The following ADARB2 variants were observed in gnomAD, a reference collection of about 807,000 sequenced individuals.
The protein encoded by ADARB2 is inactive double-stranded RNA-specific editase B2.
A neutral mutation model predicts 62.2 loss-of-function variants in ADARB2; 25 were observed. The ratio of observed to expected loss-of-function variants is 0.40; its 90% CI spans 0.29 to 0.56. The LOEUF (loss-of-function observed/expected upper bound fraction) is 0.56, where lower values mean the gene tolerates loss of function less well. ADARB2 is among the 20% of genes least tolerant of loss of function. The pLI is 0.43. For synonymous variants in ADARB2, 572 were observed against 500.8 expected (o/e 1.14, Z -1.90); for missense variants, 1,071 against 1,077.4 (o/e 0.99, Z 0.08).
At chr10:1,215,859 G>T (rs764877076) in intron 7 of ADARB2, 1 of 152,264 alleles carries the variant, frequency 6.6e-6, no homozygotes, top group African/African-American at 2.4e-5. Context: ...CTTTCAGGGC[G>T]TCAGACCAAT....
chr10:1,387,032 G>A (rs1832531069), intron 1 of ADARB2, among the ~76,000 whole-genome samples: 1 of 151,832 alleles, frequency 6.6e-6, no homozygotes, highest in African/African-American at 2.4e-5. Flanking sequence ...AGTTAAAAGA[G>A]AAATCACAGG....
At chr10:1,203,442 G>A (rs952842748) in intron 7 of ADARB2, among the ~76,000 whole-genome samples, 3 of 152,228 alleles carry the variant, frequency 2.0e-5, no homozygotes, top group South Asian at 2.1e-4. Flanking sequence ...TTGGTTTTCC[G>A]CCGTGACGCG....
chr10:1,684,883 G>A (rs2119120162), intron 1 of ADARB2, among the ~76,000 whole-genome samples: 1 of 152,314 alleles, frequency 6.6e-6, no homozygotes, highest in Middle Eastern at 3.4e-3. Context: ...GCTCACAGGT[G>A]GGAAGTCAGA....
At chr10:1,299,710 G>A (rs375213928) in intron 3 of ADARB2, among the ~76,000 whole-genome samples, 24 of 152,268 alleles carry the variant, frequency 1.6e-4, no homozygotes, top group East Asian at 7.7e-4. Context: ...TCAGACTAGG[G>A]ACTCTTCTGC....
intron 1 of ADARB2, among the ~76,000 whole-genome samples, chr10:1,669,399 A>G (rs1056936713): frequency 6.6e-6 from 1 of 152,180 alleles, no homozygotes; most frequent in Non-Finnish European, 1.5e-5. Flanking sequence ...CAGCACACAC[A>G]TAACACATAG....
At chr10:1,290,214 C>G (rs1462052280) in intron 3 of ADARB2, 2 of 29,534 alleles carry the variant, frequency 6.8e-5, no homozygotes, top group African/African-American at 8.9e-5. Flanking sequence ...CCATGTCTGA[C>G]AAGTGGATTC....
intron 3 of ADARB2, among the ~76,000 whole-genome samples, chr10:1,312,177 T>A (rs1264797043): frequency 2.6e-5 from 4 of 152,256 alleles, no homozygotes; most frequent in Non-Finnish European, 5.9e-5. Context: ...CACTGACTCT[T>A]GCTTCTCCCT....
intron 1 of ADARB2, among the ~76,000 whole-genome samples, chr10:1,585,817 G>A (rs1473487438): frequency 3.3e-5 from 5 of 152,150 alleles, no homozygotes; most frequent in Non-Finnish European, 7.3e-5. Context: ...GGCAGATCAC[G>A]AGGTCAGGAG....
intron 1 of ADARB2, among the ~76,000 whole-genome samples, chr10:1,614,884 A>G (rs1040612976): frequency 4.6e-5 from 7 of 150,860 alleles, no homozygotes; most frequent in Admixed American, 2.7e-4. Context: ...GCACTCCAGT[A>G]TGGGTGACAG....
chr10:1,534,901 C>T (rs1297099496), intron 1 of ADARB2: 1 of 167,140 alleles, frequency 6.0e-6, no homozygotes, highest in African/African-American at 2.4e-5. Context: ...CAACTCTGAA[C>T]CTCTATGGAC....
intron 1 of ADARB2, among the ~76,000 whole-genome samples, chr10:1,503,030 T>C (rs906829460): frequency 5.3e-5 from 8 of 152,152 alleles, no homozygotes; most frequent in African/African-American, 1.9e-4. Context: ...GGAATAGCAA[T>C]GAGATTAACC....
chr10:1,633,311 C>G (rs1402660253), intron 1 of ADARB2, among the ~76,000 whole-genome samples: 1 of 152,138 alleles, frequency 6.6e-6, no homozygotes, highest in Admixed American at 6.5e-5. Context: ...TTGAGTGTCC[C>G]TAATCAAAAA....
chr10:1,395,342 C>T (rs1832602163), intron 1 of ADARB2, among the ~76,000 whole-genome samples: 1 of 152,226 alleles, frequency 6.6e-6, no homozygotes, highest in South Asian at 2.1e-4. Flanking sequence ...CCACCTCCCT[C>T]CTGTCTCCAA....
At position 1,664,537 on chromosome 10, in the gene ADARB2, T is replaced by G. The variant is rs1035141030; in HGVS notation, c.100+72514A>C. ...GGCTTCACGGTCCAGAGAAATGCAT[T>G]TCACGAATGGCCTTTAGCAGTTGGT... On this transcript the variant is annotated intron_variant, in intron 1 of 9. Coordinates refer to ENST00000381312, the MANE Select transcript of ADARB2 (RefSeq NM_018702.4). Among the ~76,000 whole-genome samples the G allele has an allele frequency of 2.6e-5, 4 of 152,200 alleles. No individual in the cohort carries two copies. In the East Asian group the frequency reaches 7.7e-4, roughly 29 times the overall value.
intron 1 of ADARB2, among the ~76,000 whole-genome samples, chr10:1,489,699 A>T (rs1196079652): frequency 6.6e-6 from 1 of 152,364 alleles, no homozygotes; most frequent in Admixed American, 6.5e-5. Flanking sequence ...AGGTAAGACG[A>T]ACTCTGAACT....
intron 1 of ADARB2, among the ~76,000 whole-genome samples, chr10:1,599,573 G>A (rs564769783): frequency 4.6e-5 from 7 of 152,214 alleles, no homozygotes; most frequent in African/African-American, 1.2e-4. Context: ...CACATTCATG[G>A]TACCAGAAAG....
chr10:1,521,129 G>A (rs1394788189), intron 1 of ADARB2, among the ~76,000 whole-genome samples: 2 of 152,110 alleles, frequency 1.3e-5, no homozygotes, highest in Non-Finnish European at 2.9e-5. Flanking sequence ...GCCCGGAGTC[G>A]GGTGAGGTGG....
At chr10:1,471,322 G>T (rs1831319518) in intron 1 of ADARB2, among the ~76,000 whole-genome samples, 1 of 152,196 alleles carries the variant, frequency 6.6e-6, no homozygotes, top group African/African-American at 2.4e-5. Flanking sequence ...CTATGGGACG[G>T]CAGCTAATTG....
intron 3 of ADARB2, among the ~76,000 whole-genome samples, chr10:1,305,545 C>A (rs1831619039): frequency 1.3e-5 from 2 of 152,182 alleles, no homozygotes; most frequent in Non-Finnish European, 2.9e-5. Context: ...CTCCCTAACT[C>A]ATTTTAGGAG....
Sources: gnomAD v4.1 joint callset for allele counts (sites outside exome capture counted in the v4.1 genomes callset) on GRCh38, gnomAD v4.1.1 for gene constraint, MANE v1.5 for transcripts, NCBI Gene and HGNC (gene_info 2026-07-23, HGNC 2026-07-21) for gene names.